Variants in NRXN1 observed in about 807,000 individuals in gnomAD.
NRXN1 encodes neurexin 1.
NRXN1 carries 39 observed loss-of-function variants against 150.9 expected under a neutral mutation model. That is an observed-to-expected ratio of 0.26 (90% confidence interval 0.20 to 0.34). The LOEUF (loss-of-function observed/expected upper bound fraction) is 0.34. NRXN1 is among the 10% of genes least tolerant of loss of function. The pLI is 1.00. For synonymous variants in NRXN1, 924 were observed against 757.0 expected, an observed-to-expected ratio of 1.22 and a Z score of -3.62; for missense variants, 1,815 against 1,949.9, an observed-to-expected ratio of 0.93 and a Z score of 1.30.
At chr2:50,641,916 G>T (rs917906275) in intron 5 of NRXN1, among the ~76,000 whole-genome samples, 1 of 152,020 alleles carries the variant, frequency 6.6e-6, no homozygotes, top group African/African-American at 2.4e-5. Context: ...TCTTGATGCT[G>T]TCCATTCTGC....
intron 18 of NRXN1, among the ~76,000 whole-genome samples, chr2:50,167,361 A>G (rs2152796294): frequency 6.6e-6 from 1 of 152,258 alleles, no homozygotes; most frequent in Non-Finnish European, 1.5e-5. Flanking sequence ...CTCGCTCAAC[A>G]TGAAGGCAAA....
intron 17 of NRXN1, among the ~76,000 whole-genome samples, chr2:50,276,918 C>A (rs1401359988): frequency 6.6e-6 from 1 of 152,054 alleles, no homozygotes; most frequent in Non-Finnish European, 1.5e-5. Context: ...CATTTCAATC[C>A]AATATAGTCT....
At chr2:50,078,357 T>C (rs1302061707) in intron 19 of NRXN1, among the ~76,000 whole-genome samples, 1 of 148,142 alleles carries the variant, frequency 6.8e-6, no homozygotes, top group African/African-American at 2.5e-5. Context: ...GTGGAAACCA[T>C]TTCTAAACTC....
intron 8 of NRXN1, among the ~76,000 whole-genome samples, chr2:50,563,900 C>CT (rs1260144332): frequency 6.6e-6 from 1 of 152,106 alleles, no homozygotes; most frequent in East Asian, 1.9e-4. Flanking sequence ...GCACATCCAC[C>CT]TAAGAGCCTG....
At chr2:50,367,131 C>G (rs990943111) in intron 17 of NRXN1, among the ~76,000 whole-genome samples, 2 of 151,850 alleles carry the variant, frequency 1.3e-5, no homozygotes, top group African/African-American at 4.8e-5. Context: ...AAGGTACTTT[C>G]TTTAATACAG....
intron 5 of NRXN1, among the ~76,000 whole-genome samples, chr2:50,881,931 C>CTA (rs1383377883): frequency 6.6e-6 from 1 of 151,082 alleles, no homozygotes; most frequent in Non-Finnish European, 1.5e-5. Context: ...ACTTTTTTTT[C>CTA]TATAAACGCA....
chr2:50,056,278 A>T (rs917811750), intron 19 of NRXN1, among the ~76,000 whole-genome samples: 5 of 152,010 alleles, frequency 3.3e-5, no homozygotes, highest in Non-Finnish European at 5.9e-5. Context: ...TTCTTTTGCT[A>T]CTCTTATAAT....
intron 17 of NRXN1, among the ~76,000 whole-genome samples, chr2:50,431,476 C>T (rs1465945763): frequency 6.6e-6 from 1 of 152,168 alleles, no homozygotes; most frequent in Non-Finnish European, 1.5e-5. Context: ...AATTTTCAGC[C>T]TACAGGTTAA....
intron 17 of NRXN1, among the ~76,000 whole-genome samples, chr2:50,372,354 G>A (rs940519658): frequency 3.3e-5 from 5 of 152,050 alleles, no homozygotes; most frequent in African/African-American, 4.8e-5. Flanking sequence ...AGAGCCTAAT[G>A]ATTTTTATAT....
At chr2:50,297,646 T>C (rs556344224) in intron 17 of NRXN1, among the ~76,000 whole-genome samples, 26 of 152,288 alleles carry the variant, frequency 1.7e-4, no homozygotes, top group Non-Finnish European at 2.4e-4. Context: ...GTGTAAAGAC[T>C]CAAGAGAAAC....
At chr2:50,211,248 G>A (rs925318515) in intron 18 of NRXN1, among the ~76,000 whole-genome samples, 1 of 151,092 alleles carries the variant, frequency 6.6e-6, no homozygotes, top group African/African-American at 2.4e-5. Flanking sequence ...TGGGTAGATG[G>A]GTTCAGTGAA....
At chr2:50,503,443 G>C (rs550645182) in intron 13 of NRXN1, among the ~76,000 whole-genome samples, 6 of 150,902 alleles carry the variant, frequency 4.0e-5, no homozygotes, top group African/African-American at 9.8e-5. Context: ...AAACATTTGC[G>C]CACCAAAATC....
At chr2:50,132,897 C>T (rs1375302421) in intron 18 of NRXN1, among the ~76,000 whole-genome samples, 3 of 149,824 alleles carry the variant, frequency 2.0e-5, no homozygotes, top group African/African-American at 2.5e-5. Context: ...TTCTTTCCAC[C>T]CTGCTAAAAT....
intron 5 of NRXN1, among the ~76,000 whole-genome samples, chr2:50,747,681 A>C (rs1039185810): frequency 9.2e-5 from 14 of 152,104 alleles, no homozygotes; most frequent in African/African-American, 3.1e-4. Flanking sequence ...AATTTTATCT[A>C]ATTCATTAAT....
At chr2:50,306,719 T>C (rs2074644293) in intron 17 of NRXN1, among the ~76,000 whole-genome samples, 1 of 152,226 alleles carries the variant, frequency 6.6e-6, no homozygotes, top group Admixed American at 6.5e-5. Context: ...TCAGCTAAAA[T>C]GGAAACAGAC....
chr2:50,050,700 C>T (rs1692580089), intron 21 of NRXN1, among the ~76,000 whole-genome samples: 1 of 151,888 alleles, frequency 6.6e-6, no homozygotes, highest in Non-Finnish European at 1.5e-5. Context: ...ATTTAGAGGA[C>T]AATTGAAAAG....
intron 5 of NRXN1, among the ~76,000 whole-genome samples, chr2:50,741,040 C>G (rs1007025781): frequency 6.6e-6 from 1 of 152,102 alleles, no homozygotes; most frequent in Non-Finnish European, 1.5e-5. Context: ...AAATCTGTGA[C>G]GGCTATGACT....
rs200184823 is a variant in NRXN1 at position 51,027,972 on chromosome 2, G to C, written c.302C>G (p.Ala101Gly). ...AACCGGCGTGTCGGCCAGGAGCGTC[G>C]CAGGCTCAGCGCAGAAGATGGAGAA... is the stretch of plus-strand genomic sequence containing the variant. ...LSFSIFCAEPATLLADTPVND... is the reference protein window; with the variant it reads ...LSFSIFCAEPGTLLADTPVND... The change falls in exon 2 of 23, where the codon GCG becomes GGG. Residue 101 changes from alanine to glycine, a missense_variant. Transcript: ENST00000401669. 339 of 1,601,688 alleles carry C rather than the reference G, an allele frequency of 2.1e-4. No homozygotes were observed. Among genetic ancestry groups the C allele is most frequent in the Non-Finnish European group, 2.4e-4 (278 of 1,179,370 alleles).
At chr2:50,173,059 C>G (rs1280751333) in intron 18 of NRXN1, among the ~76,000 whole-genome samples, 6 of 152,206 alleles carry the variant, frequency 3.9e-5, no homozygotes, top group African/African-American at 1.4e-4. Context: ...CTATATTTCT[C>G]CATTACACTG....
Sources: allele counts gnomAD v4.1 joint callset (sites outside exome capture counted in the v4.1 genomes callset), GRCh38; gene constraint gnomAD v4.1.1; transcripts MANE v1.5; gene names NCBI Gene and HGNC (gene_info 2026-07-23, HGNC 2026-07-21).